The following SUPT3H variants were observed in gnomAD, a reference collection of about 807,000 sequenced individuals.
The protein encoded by SUPT3H is transcription initiation protein SPT3 homolog.
SUPT3H carries 44 observed loss-of-function variants against 44.3 expected under a neutral mutation model. The ratio of observed to expected loss-of-function variants is 0.99; its 90% CI spans 0.78 to 1.28. The LOEUF (loss-of-function observed/expected upper bound fraction) is 1.28, where lower values mean the gene tolerates loss of function less well. Among genes scored for constraint, SUPT3H ranks in the 50% most tolerant of loss-of-function variants. The probability of loss-of-function intolerance (pLI) is 0.00; values close to 1 mark genes in which losing one functional copy is unlikely to be tolerated. For synonymous variants in SUPT3H, 124 were observed against 125.6 expected (o/e 0.99, Z 0.09); for missense variants, 380 against 387.1 (o/e 0.98, Z 0.15).
intron 6 of SUPT3H, among the ~76,000 whole-genome samples, chr6:45,001,634 G>GA (rs1307576736): frequency 6.6e-6 from 1 of 151,354 alleles, no homozygotes; most frequent in Non-Finnish European, 1.5e-5. Context: ...CTATAAAGAA[G>GA]AAAGAAAACT....
chr6:44,889,948 C>A (rs979559395), intron 10 of SUPT3H, among the ~76,000 whole-genome samples: 5 of 147,816 alleles, frequency 3.4e-5, no homozygotes, highest in East Asian at 2.0e-4. Flanking sequence ...AAAAAGTGGG[C>A]GGACATGAAC....
chr6:45,079,571 A>C (rs1795508099), intron 3 of SUPT3H, among the ~76,000 whole-genome samples: 1 of 152,178 alleles, frequency 6.6e-6, no homozygotes. Flanking sequence ...TATAGTAACC[A>C]AAACTGTATG....
chr6:45,240,183 G>A (rs72857096), intron 2 of SUPT3H, among the ~76,000 whole-genome samples: 2,430 of 152,230 alleles, frequency 0.016, 20 homozygotes, highest in Non-Finnish European at 0.026. Flanking sequence ...CATTCTAGCA[G>A]GATTGCGAGG....
At chr6:44,887,084 T>C (rs964154778) in intron 10 of SUPT3H, among the ~76,000 whole-genome samples, 1 of 152,176 alleles carries the variant, frequency 6.6e-6, no homozygotes, top group African/African-American at 2.4e-5. Context: ...TAAATATATA[T>C]GCACCCAAGA....
chr6:44,933,944 A>C (rs984827027), intron 9 of SUPT3H, among the ~76,000 whole-genome samples: 1 of 152,218 alleles, frequency 6.6e-6, no homozygotes, highest in African/African-American at 2.4e-5. Flanking sequence ...AGGTTATTTA[A>C]ATTAAGTGTT....
chr6:45,115,252 A>G (rs887251198), intron 2 of SUPT3H, among the ~76,000 whole-genome samples: 3 of 152,166 alleles, frequency 2.0e-5, no homozygotes, highest in Admixed American at 1.3e-4. Flanking sequence ...AAGCGTCAAG[A>G]TTACTTGGTA....
chr6:44,866,928 G>A (rs1445757711), intron 10 of SUPT3H, among the ~76,000 whole-genome samples: 2 of 152,140 alleles, frequency 1.3e-5, no homozygotes, highest in Non-Finnish European at 2.9e-5. Context: ...ATATTCCATA[G>A]TAATAAAGAC....
intron 2 of SUPT3H, among the ~76,000 whole-genome samples, chr6:45,341,703 A>G (rs1789816538): frequency 6.6e-6 from 1 of 152,230 alleles, no homozygotes; most frequent in African/African-American, 2.4e-5. Context: ...AATAACAGAT[A>G]GTTAAAAGTC....
At chr6:45,113,391 T>C (rs563936527) in intron 2 of SUPT3H, among the ~76,000 whole-genome samples, 263 of 152,292 alleles carry the variant, frequency 1.7e-3, no homozygotes, top group Admixed American at 3.7e-3. Context: ...TTAATGCAAT[T>C]GGAAAGTTAT....
At chr6:45,365,356 C>CAAA in intron 1 of SUPT3H, 55 bp from the exon 2 acceptor site, 2 of 955,082 alleles carry the variant, frequency 2.1e-6, no homozygotes, top group Middle Eastern at 2.4e-4. Flanking sequence ...TAAGTAAATG[C>CAAA]AAAAAAAAAA....
chr6:45,050,460 A>C (rs943104106), intron 3 of SUPT3H, among the ~76,000 whole-genome samples: 10 of 145,998 alleles, frequency 6.8e-5, no homozygotes, highest in African/African-American at 1.5e-4. Flanking sequence ...GAAAAAAAAA[A>C]CCCATAGTTT....
intron 2 of SUPT3H, among the ~76,000 whole-genome samples, chr6:45,128,538 A>G (rs1802855893): frequency 2.5e-5 from 1 of 40,810 alleles, no homozygotes; most frequent in Non-Finnish European, 4.5e-5. Flanking sequence ...AAAAAAATAT[A>G]TATATATATA....
chr6:44,962,081 G>A (rs189501695), intron 6 of SUPT3H, among the ~76,000 whole-genome samples: 7 of 152,168 alleles, frequency 4.6e-5, no homozygotes, highest in East Asian at 3.9e-4. Flanking sequence ...AGGACCTCAC[G>A]TCTAAATTTT....
intron 10 of SUPT3H, among the ~76,000 whole-genome samples, chr6:44,883,613 G>T (rs777666621): frequency 1.3e-5 from 2 of 148,946 alleles, no homozygotes; most frequent in African/African-American, 2.4e-5. Flanking sequence ...TATCAAAATT[G>T]TAACTATACT....
chr6:45,068,440 G>A (rs1793795069), intron 3 of SUPT3H, among the ~76,000 whole-genome samples: 1 of 150,432 alleles, frequency 6.6e-6, no homozygotes, highest in African/African-American at 2.5e-5. Context: ...ATGTGCACAT[G>A]TACCCTAAAA....
At chr6:44,854,931 TA>T (rs1561894157) in intron 10 of SUPT3H, among the ~76,000 whole-genome samples, 1 of 152,106 alleles carries the variant, frequency 6.6e-6, no homozygotes, top group African/African-American at 2.4e-5. Flanking sequence ...AGATAAAACA[TA>T]GAATTTCCTT....
At chr6:45,123,464 T>C (rs1284997) in intron 2 of SUPT3H, among the ~76,000 whole-genome samples, 5,272 of 151,390 alleles carry the variant, frequency 0.035, 123 homozygotes, top group Non-Finnish European at 0.056. Flanking sequence ...GCCTCCACCC[T>C]CTGGTCTCAA....
At chr6:45,204,438 C>T (rs765291433) in intron 2 of SUPT3H, among the ~76,000 whole-genome samples, 26 of 152,088 alleles carry the variant, frequency 1.7e-4, no homozygotes, top group Non-Finnish European at 2.9e-4. Context: ...TCACCAAATA[C>T]TGGATCTACG....
intron 5 of SUPT3H, among the ~76,000 whole-genome samples, chr6:45,005,032 T>C (rs1047897971): frequency 2.6e-5 from 4 of 152,200 alleles, no homozygotes; most frequent in Non-Finnish European, 5.9e-5. Flanking sequence ...GTTGGCTTAA[T>C]GTTTATGGCA....
Sources: gnomAD v4.1 joint callset for allele counts (sites outside exome capture counted in the v4.1 genomes callset) on GRCh38, gnomAD v4.1.1 for gene constraint, MANE v1.5 for transcripts, NCBI Gene and HGNC (gene_info 2026-07-23, HGNC 2026-07-21) for gene names.